The following DOCK1 variants were observed in gnomAD, a reference collection of about 807,000 sequenced individuals.
DOCK1 encodes the protein dedicator of cytokinesis 1, also known as dedicator of cytokinesis protein 1.
A neutral mutation model predicts 262.7 loss-of-function variants in DOCK1; 138 were observed. The ratio of observed to expected loss-of-function variants is 0.53; its 90% CI spans 0.46 to 0.61. The LOEUF is 0.61. DOCK1 is among the 20% of genes least tolerant of loss of function. The pLI, the probability that DOCK1 is intolerant of heterozygous loss-of-function variation, is 0.00. For synonymous variants in DOCK1, 866 were observed against 867.4 expected, an observed-to-expected ratio of 1.00 and a Z score of 0.03; for missense variants, 1,908 against 2,370.7, an observed-to-expected ratio of 0.80 and a Z score of 4.05.
rs540177411 is a variant in DOCK1, at chr10:127,276,496, T to TC, written c.3044+19069dup. 1.1e-4 allele frequency among the ~76,000 whole-genome samples: 16 copies of TC among 152,278 alleles called. 1 individual carries two copies. In the South Asian group the frequency reaches 3.3e-3, roughly 32 times the overall value. On this transcript the variant is annotated intron_variant, in intron 29 of 51. Coordinates refer to ENST00000623213, the MANE Select transcript of DOCK1 (RefSeq NM_001290223.2). ...GTGGAAATTCCTGGAAGACAAGGGC[T>TC]CCTGTTCCTTCTCTCGCCACCCGTG...
intron 43 of DOCK1, among the ~76,000 whole-genome samples, chr10:127,414,820 G>C (rs549932420): frequency 6.6e-6 from 1 of 152,286 alleles, no homozygotes. Context: ...CTCAAAATCT[G>C]TTTGCTCAAG....
intron 44 of DOCK1, among the ~76,000 whole-genome samples, chr10:127,417,749 T>C (rs1565075888): frequency 6.6e-6 from 1 of 152,104 alleles, no homozygotes; most frequent in Non-Finnish European, 1.5e-5. Context: ...CTAATTTTTG[T>C]GTTTTTAGTA....
intron 17 of DOCK1, 123 bp downstream of exon 17, chr10:127,031,876 T>A (rs2043262171): frequency 2.1e-6 from 2 of 965,024 alleles, no homozygotes; most frequent in Non-Finnish European, 3.1e-6. Context: ...CATTTAATTA[T>A]GCAAATGAAC....
intron 7 of DOCK1, among the ~76,000 whole-genome samples, chr10:126,997,252 G>A (rs974442541): frequency 3.9e-5 from 6 of 152,204 alleles, no homozygotes; most frequent in African/African-American, 9.6e-5. Flanking sequence ...TTGTCTTTTC[G>A]TCTTCTATGA....
At chr10:127,145,444 T>A (rs1293825517) in intron 27 of DOCK1, among the ~76,000 whole-genome samples, 1 of 152,218 alleles carries the variant, frequency 6.6e-6, no homozygotes, top group Non-Finnish European at 1.5e-5. Context: ...ACACTGCTGT[T>A]CCTGACCTCA....
chr10:126,937,824 T>C (rs1228533098), intron 1 of DOCK1, among the ~76,000 whole-genome samples: 2 of 152,190 alleles, frequency 1.3e-5, no homozygotes, highest in Non-Finnish European at 2.9e-5. Flanking sequence ...ATAGTCTCCT[T>C]TGATACACAA....
chr10:127,251,878 G>A (rs1181269875), intron 28 of DOCK1, among the ~76,000 whole-genome samples: 3 of 149,956 alleles, frequency 2.0e-5, no homozygotes, highest in South Asian at 2.2e-4. Context: ...ATGATTTATA[G>A]TCCTTTGGGT....
chr10:127,441,054 A>T (rs2070090841), intron 49 of DOCK1, among the ~76,000 whole-genome samples: 1 of 152,252 alleles, frequency 6.6e-6, no homozygotes, highest in Admixed American at 6.5e-5. Flanking sequence ...ACTTAGTGCC[A>T]GACACTGTGC....
chr10:127,384,843 C>T lies in DOCK1; in HGVS notation c.3861C>T (p.Ala1287=). 1 of 1,609,794 alleles carries T rather than the reference C, an allele frequency of 6.2e-7. No individual in the cohort carries two copies. Among genetic ancestry groups the T allele is most frequent in the Non-Finnish European group, 8.5e-7 (1 of 1,178,740 alleles). Residue 1287 remains alanine, a synonymous_variant, in exon 38 of 52, where the codon GCC becomes GCT. Coordinates refer to ENST00000623213, the MANE Select transcript of DOCK1 (RefSeq NM_001290223.2). ...TCACCCAGCGGGACGGGTACCAGGC[C>T]ACCACGCAGGGACAGCTGAAGGAGC... is the stretch of plus-strand genomic sequence containing the variant. ...AHLTQRDGYQ[A]TTQGQLKEQL...
chr10:126,940,018 G>A (rs2034870093), intron 1 of DOCK1, among the ~76,000 whole-genome samples: 1 of 152,208 alleles, frequency 6.6e-6, no homozygotes, highest in East Asian at 1.9e-4. Context: ...GGGTAAGACA[G>A]ATTTGGAGGA....
At chr10:127,268,731 C>T (rs113128404) in intron 29 of DOCK1, among the ~76,000 whole-genome samples, 2 of 151,986 alleles carry the variant, frequency 1.3e-5, no homozygotes, top group Non-Finnish European at 2.9e-5. Context: ...TTCCCCAAGT[C>T]GCTCTGCCAG....
chr10:127,068,953 A>G (rs2046043119), intron 23 of DOCK1, among the ~76,000 whole-genome samples: 1 of 152,176 alleles, frequency 6.6e-6, no homozygotes, highest in Admixed American at 6.5e-5. Context: ...GAGGGCACAT[A>G]GCTGGTTTCT....
At chr10:127,264,311 G>A (rs2060278989) in intron 29 of DOCK1, among the ~76,000 whole-genome samples, 1 of 152,192 alleles carries the variant, frequency 6.6e-6, no homozygotes, top group Admixed American at 6.5e-5. Flanking sequence ...GTTTGCAACT[G>A]TGATTATCAA....
At chr10:126,991,486 G>C (rs754967169) in intron 6 of DOCK1, among the ~76,000 whole-genome samples, 1 of 151,890 alleles carries the variant, frequency 6.6e-6, no homozygotes, top group Non-Finnish European at 1.5e-5. Flanking sequence ...TCTGATTTGT[G>C]ATATCTGGGA....
At chr10:127,416,014 C>G (rs910326978) in intron 44 of DOCK1, among the ~76,000 whole-genome samples, 2 of 152,220 alleles carry the variant, frequency 1.3e-5, no homozygotes, top group Non-Finnish European at 2.9e-5. Flanking sequence ...TGAGTCCCCC[C>G]GAAACACCTG....
intron 15 of DOCK1, 47 bp downstream of exon 15, chr10:127,024,830 G>A: frequency 6.7e-7 from 1 of 1,484,236 alleles, no homozygotes. Context: ...ATTATGAAAT[G>A]CTCATTTGTA....
intron 22 of DOCK1, among the ~76,000 whole-genome samples, chr10:127,056,309 A>G (rs1357544973): frequency 6.6e-6 from 1 of 152,156 alleles, no homozygotes; most frequent in East Asian, 1.9e-4. Flanking sequence ...GGCTCAAGCC[A>G]TCCTCCTGCC....
intron 22 of DOCK1, among the ~76,000 whole-genome samples, chr10:127,060,447 A>T (rs2045457820): frequency 6.6e-6 from 1 of 152,246 alleles, no homozygotes; most frequent in Non-Finnish European, 1.5e-5. Flanking sequence ...AGTGGAATTC[A>T]TTTAAATATC....
At chr10:127,013,460 T>G (rs562129274) in intron 12 of DOCK1, 1 of 152,366 alleles carries the variant, frequency 6.6e-6, no homozygotes, top group South Asian at 2.1e-4. Flanking sequence ...TGCTTCGAGC[T>G]GGGACTGCCC....
Sources: gnomAD v4.1 joint callset for allele counts (sites outside exome capture counted in the v4.1 genomes callset) on GRCh38, gnomAD v4.1.1 for gene constraint, MANE v1.5 for transcripts, NCBI Gene and HGNC (gene_info 2026-07-23, HGNC 2026-07-21) for gene names.